Variants in XKRX observed in about 807,000 individuals in gnomAD.
XKRX encodes XK related X-linked.
A neutral mutation model predicts 22.4 loss-of-function variants in XKRX; 11 were observed. The observed-to-expected ratio is 0.49, with a 90% CI of 0.31 to 0.81. The LOEUF (loss-of-function observed/expected upper bound fraction) is 0.81, where lower values mean the gene tolerates loss of function less well. XKRX is among the 40% of genes least tolerant of loss of function. XKRX has a pLI of 0.05. For synonymous variants in XKRX, 114 were observed against 132.2 expected (o/e 0.86, Z 0.94); for missense variants, 320 against 336.5 (o/e 0.95, Z 0.38).
downstream of XKRX, chrX:100,910,727 A>G: frequency 3.1e-6 from 2 of 645,839 alleles, no homozygotes; most frequent in Non-Finnish European, 4.9e-6. Context: ...CAGAACGAAT[A>G]TATTGAATTA....
the XKRX span, chrX:100,957,575 C>G: frequency 3.5e-6 from 3 of 854,604 alleles, no homozygotes; most frequent in Middle Eastern, 3.1e-4. Context: ...GAACCGCAAA[C>G]CAGCACTATT....
chrX:100,956,865 C>A, the XKRX span: 1 of 813,746 alleles, frequency 1.2e-6, no homozygotes. Flanking sequence ...TGTCTAAAGT[C>A]AAGTCTAGCC....
the XKRX span, among the ~76,000 whole-genome samples, chrX:100,938,351 G>A: frequency 4.5e-5 from 5 of 111,724 alleles, no homozygotes; most frequent in East Asian, 2.8e-4. Flanking sequence ...GGGATTGGCC[G>A]GGTGCAGTGG....
chrX:100,926,003 G>C (rs1332651280), intron 1 of XKRX, among the ~76,000 whole-genome samples: 1 of 111,858 alleles, frequency 8.9e-6, no homozygotes, highest in Non-Finnish European at 1.9e-5. Context: ...GAAACAATGC[G>C]CCAGGGCTCT....
Position 100,923,064 on chromosome X carries a change from G to A in XKRX, c.336-3C>T. The A allele has an allele frequency of 8.3e-7, 1 of 1,210,989 alleles. No homozygotes were observed. Among genetic ancestry groups the A allele is most frequent in the South Asian group, 1.8e-5 (1 of 56,918 alleles). On this transcript the variant is annotated splice_polypyrimidine_tract_variant and splice_region_variant and intron_variant, in intron 1 of 2. Coordinates refer to ENST00000372956, the MANE Select transcript of XKRX (RefSeq NM_212559.3). ...ACTTAATCATGGCCTCCAAACATCT[G>A]CAGAAGTAAAGCATCATGCAAACTT... is the stretch of plus-strand genomic sequence containing the variant.
chrX:100,958,321 A>G, the XKRX span, among the ~76,000 whole-genome samples: 1 of 112,284 alleles, frequency 8.9e-6, no homozygotes. Flanking sequence ...ACAGGATCCT[A>G]GCTGTGTCTG....
the XKRX span, among the ~76,000 whole-genome samples, chrX:100,951,813 T>C: frequency 1.8e-5 from 2 of 111,684 alleles, no homozygotes; most frequent in African/African-American, 3.2e-5. Context: ...GACCAATTTC[T>C]CAAAAAGCAC....
the XKRX span, among the ~76,000 whole-genome samples, chrX:100,945,959 C>T: frequency 1.9e-3 from 215 of 110,458 alleles, no homozygotes; most frequent in African/African-American, 6.8e-3. Context: ...GCTAGGCGGA[C>T]GAATCACCTG....
chrX:100,939,352 G>A, the XKRX span, among the ~76,000 whole-genome samples: 1 of 111,854 alleles, frequency 8.9e-6, no homozygotes, highest in Admixed American at 9.5e-5. Context: ...TCAAAGTTAG[G>A]AGTGACTTTG....
chrX:100,934,346 G>T (rs1410168747), upstream of XKRX, among the ~76,000 whole-genome samples: 1 of 111,517 alleles, frequency 9.0e-6, no homozygotes, highest in Non-Finnish European at 1.9e-5. Flanking sequence ...GAAACTTGGG[G>T]CAGGCTGGCA....
upstream of XKRX, among the ~76,000 whole-genome samples, chrX:100,933,495 A>AC (rs1401086229): frequency 5.5e-5 from 6 of 109,366 alleles, no homozygotes; most frequent in African/African-American, 1.7e-4. Context: ...AAAAAAAAAA[A>AC]AAAAACAGAA....
chrX:100,937,088 G>A, the XKRX span, among the ~76,000 whole-genome samples: 1 of 108,515 alleles, frequency 9.2e-6, no homozygotes, highest in African/African-American at 3.4e-5. Flanking sequence ...GCCTCCCAGG[G>A]TCAAGCGATT....
chrX:100,911,758 GA>G (rs1458237028), downstream of XKRX, among the ~76,000 whole-genome samples: 1 of 111,848 alleles, frequency 8.9e-6, no homozygotes, highest in Non-Finnish European at 1.9e-5. Context: ...GTATCTGGAG[GA>G]TTTTTACAGA....
upstream of XKRX, among the ~76,000 whole-genome samples, chrX:100,933,029 C>T (rs2085525597): frequency 9.1e-6 from 1 of 109,631 alleles, no homozygotes; most frequent in Non-Finnish European, 1.9e-5. Flanking sequence ...ATTAGCTGGG[C>T]ATGGTGACAC....
Position 100,928,241 on chromosome X carries a change from C to T in XKRX, c.64G>A (p.Asp22Asn), listed in dbSNP as rs780226172. The T allele has an allele frequency of 6.8e-5, 83 of 1,211,940 alleles. No homozygotes were observed. Among genetic ancestry groups the T allele is most frequent in the Non-Finnish European group, 9.2e-5 (82 of 895,604 alleles). ...NVDPVSSLEE[D>N]VIRGANPRFT... is the part of the protein sequence containing the mutation. The stretch of plus-strand genomic sequence containing the variant: ...CGGGGGTTGGCTCCACGGATGACAT[C>T]TTCCTCCAGAGATGAAACCGGATCC... Residue 22 changes from aspartate to asparagine, a missense_variant, in exon 1 of 3, where the codon GAT becomes AAT. Physicochemically the swap from Asp to Asn is conservative, Grantham distance 23. Coordinates refer to ENST00000372956, the MANE Select transcript of XKRX (RefSeq NM_212559.3).
At chrX:100,931,289 C>T (rs1365665582), upstream of XKRX, among the ~76,000 whole-genome samples, 2 of 110,791 alleles carry the variant, frequency 1.8e-5, no homozygotes, top group African/African-American at 3.3e-5. Context: ...TGCCTTCCTA[C>T]TTTGTTCCAA....
At chrX:100,906,057 A>G in the XKRX span, among the ~76,000 whole-genome samples, 1 of 111,910 alleles carries the variant, frequency 8.9e-6, no homozygotes, top group Non-Finnish European at 1.9e-5. Flanking sequence ...GTTTCATCCA[A>G]TAATGTTATA....
chrX:100,921,093 A>C (rs1258992783), intron 2 of XKRX, among the ~76,000 whole-genome samples: 1 of 111,679 alleles, frequency 9.0e-6, no homozygotes, highest in African/African-American at 3.3e-5. Flanking sequence ...GTAGAGACAG[A>C]GTTTCGCCAG....
the XKRX span, chrX:100,888,722 G>A: frequency 3.7e-6 from 1 of 270,046 alleles, no homozygotes; most frequent in Non-Finnish European, 6.6e-6. Context: ...TTTTGAGAAG[G>A]TGGCATATGA....
Sources: gnomAD v4.1 joint callset for allele counts (sites outside exome capture counted in the v4.1 genomes callset) on GRCh38, gnomAD v4.1.1 for gene constraint, MANE v1.5 for transcripts, NCBI Gene and HGNC (gene_info 2026-07-23, HGNC 2026-07-21) for gene names.